The following HYAL4 variants were observed in gnomAD, a reference collection of about 807,000 sequenced individuals.
HYAL4 encodes the protein hyaluronidase 4, also known as hyaluronidase-4.
Under a neutral mutation model 35.2 loss-of-function variants are expected in HYAL4, and 37 were observed. The ratio of observed to expected loss-of-function variants is 1.05; its 90% CI spans 0.81 to 1.38. HYAL4 has a LOEUF of 1.38. HYAL4 is among the 40% of genes most tolerant of loss of function. The pLI is 0.00. For synonymous variants in HYAL4, 198 were observed against 203.2 expected (o/e 0.97, Z 0.22); for missense variants, 572 against 572.4 (o/e 1.00, Z 0.01).
chr7:123,868,766 C>G lies in HYAL4; in HGVS notation c.493C>G (p.Gln165Glu). ...RNWNSKDVYRQKSRKLISDMG... is the reference protein window; with the variant it reads ...RNWNSKDVYREKSRKLISDMG... Reference sequence around the variant, plus strand: ...CTGGAACTCAAAAGATGTTTACAGACAGAAGTCAAGAAAGCTTATTTCCGA... The same window carrying G: ...CTGGAACTCAAAAGATGTTTACAGAGAGAAGTCAAGAAAGCTTATTTCCGA... Residue 165 changes from glutamine to glutamate, a missense_variant, in exon 3 of 5, where the codon CAG becomes GAG. Coordinates refer to ENST00000223026, the MANE Select transcript of HYAL4 (RefSeq NM_012269.3). The G allele has an allele frequency of 6.2e-7, 1 of 1,614,050 alleles. No individual in the cohort carries two copies. The highest frequency in any genetic ancestry group is 8.5e-7 in the Non-Finnish European group (1 of 1,180,004).
At chr7:123,791,346 A>T in the HYAL4 span, among the ~76,000 whole-genome samples, 1 of 152,232 alleles carries the variant, frequency 6.6e-6, no homozygotes, top group Non-Finnish European at 1.5e-5. Flanking sequence ...GAACTTCAGT[A>T]ATTCATCATG....
chr7:123,806,819 G>A, the HYAL4 span, among the ~76,000 whole-genome samples: 1 of 152,068 alleles, frequency 6.6e-6, no homozygotes, highest in African/African-American at 2.4e-5. Context: ...GGCCAGGCTA[G>A]TAGCTGTCTC....
At chr7:123,827,172 C>T (rs112942518), upstream of HYAL4, among the ~76,000 whole-genome samples, 2,296 of 151,938 alleles carry the variant, frequency 0.015, 48 homozygotes, top group African/African-American at 0.053. Context: ...GAGAAGAGGT[C>T]TAAGATTTAA....
chr7:123,874,355 C>T (rs1192756419), intron 3 of HYAL4, among the ~76,000 whole-genome samples: 1 of 152,066 alleles, frequency 6.6e-6, no homozygotes, highest in Non-Finnish European at 1.5e-5. Flanking sequence ...AGCTCAGTAC[C>T]AGCCCTGTTA....
intron 2 of HYAL4, among the ~76,000 whole-genome samples, chr7:123,866,852 G>T (rs1320093010): frequency 6.9e-6 from 1 of 145,112 alleles, no homozygotes; most frequent in African/African-American, 2.6e-5. Context: ...GGGCAGTGGT[G>T]TGATCTTGGT....
intron 1 of HYAL4, among the ~76,000 whole-genome samples, chr7:123,836,952 C>T (rs574402836): frequency 6.6e-5 from 10 of 151,982 alleles, no homozygotes; most frequent in Admixed American, 1.3e-4. Context: ...CGCTTGAATC[C>T]TGGAGGCCAA....
At chr7:123,815,565 C>T in the HYAL4 span, among the ~76,000 whole-genome samples, 45 of 152,248 alleles carry the variant, frequency 3.0e-4, 1 homozygote, top group African/African-American at 1.1e-3. Flanking sequence ...GGCATTAAAA[C>T]TGGTTTATAT....
chr7:123,784,140 C>G, the HYAL4 span, among the ~76,000 whole-genome samples: 1 of 152,024 alleles, frequency 6.6e-6, no homozygotes, highest in Non-Finnish European at 1.5e-5. Context: ...AATAATTTTC[C>G]TGGTATTTTA....
Position 123,868,366 on chromosome 7 carries a change from T to A in HYAL4, c.93T>A (p.Ser31=). 1.9e-6 allele frequency: 3 copies of A among 1,610,484 alleles called. No homozygotes were observed. The highest frequency in any genetic ancestry group is 1.7e-6 in the Non-Finnish European group (2 of 1,178,700). Residue 31 remains serine, a synonymous_variant, in exon 3 of 5, where the codon TCT becomes TCA. Transcript: ENST00000223026. ...SWLLIFFILK[S]ISCLKPARLP... ...TCCTTATATTTTTTATTCTAAAGTC[T>A]ATCTCTTGTCTAAAACCTGCTCGAC...
intron 4 of HYAL4, chr7:123,876,024 A>T (rs1563006762): frequency 2.2e-6 from 1 of 456,680 alleles, no homozygotes; most frequent in Non-Finnish European, 4.4e-6. Context: ...CTGACTTTCC[A>T]GGTGTGATAT....
the HYAL4 span, among the ~76,000 whole-genome samples, chr7:123,779,080 G>A: frequency 6.6e-6 from 1 of 152,068 alleles, no homozygotes; most frequent in African/African-American, 2.4e-5. Context: ...ATGTTAATAT[G>A]TAAGAGGCTT....
intron 2 of HYAL4, among the ~76,000 whole-genome samples, chr7:123,864,909 T>C (rs1806651449): frequency 6.6e-6 from 1 of 151,094 alleles, no homozygotes; most frequent in Non-Finnish European, 1.5e-5. Flanking sequence ...GGGCACAGGA[T>C]TTTACTTATT....
chr7:123,822,941 G>A, the HYAL4 span, among the ~76,000 whole-genome samples: 2 of 152,058 alleles, frequency 1.3e-5, no homozygotes. Context: ...CTTCAGCCTG[G>A]GTGACAGACT....
chr7:123,804,223 GTGTGGTTATGCACATA>G, the HYAL4 span, among the ~76,000 whole-genome samples: 14 of 152,168 alleles, frequency 9.2e-5, no homozygotes, highest in Non-Finnish European at 1.9e-4. Context: ...TATATGGTGA[GTGTGGTTATGCACATA>G]TGTTTCTTGA....
chr7:123,847,419 C>T (rs1806197699), intron 1 of HYAL4, among the ~76,000 whole-genome samples: 1 of 152,052 alleles, frequency 6.6e-6, no homozygotes, highest in Non-Finnish European at 1.5e-5. Context: ...AGGATGATAC[C>T]TAATACTCTA....
At chr7:123,795,803 C>T in the HYAL4 span, among the ~76,000 whole-genome samples, 1 of 152,124 alleles carries the variant, frequency 6.6e-6, no homozygotes. Flanking sequence ...GTAAGTATGA[C>T]TGGGTTGATA....
chr7:123,833,833 GA>G (rs1314207659), intron 1 of HYAL4, among the ~76,000 whole-genome samples: 4 of 152,028 alleles, frequency 2.6e-5, no homozygotes, highest in Non-Finnish European at 5.9e-5. Flanking sequence ...ATCATTTGTT[GA>G]AAAGGGTGTC....
At chr7:123,820,729 C>T in the HYAL4 span, among the ~76,000 whole-genome samples, 16 of 152,092 alleles carry the variant, frequency 1.1e-4, no homozygotes, top group Admixed American at 2.0e-4. Context: ...GTTTATCTAG[C>T]GTAACTAAAC....
Position 123,877,101 on chromosome 7 carries a change from A to T in HYAL4, c.1392A>T (p.Ser464=). 6.2e-7 allele frequency: 1 copy of T among 1,614,230 alleles called. No individual in the cohort carries two copies. Among genetic ancestry groups the T allele is most frequent in the East Asian group, 2.2e-5 (1 of 44,890 alleles). Residue 464 remains serine, a synonymous_variant, in exon 5 of 5, where the codon TCA becomes TCT. Transcript: ENST00000223026. ...GCSGVSPSPG[S]LMTLCLLLLA... is the part of the protein sequence containing the mutation. ...CTGGGGTTTCCCCTTCTCCTGGTTCACTAATGACACTTTGTCTACTGCTTT... is the reference window on the plus strand; with the variant it reads ...CTGGGGTTTCCCCTTCTCCTGGTTCTCTAATGACACTTTGTCTACTGCTTT...
Sources: allele counts gnomAD v4.1 joint callset (sites outside exome capture counted in the v4.1 genomes callset), GRCh38; gene constraint gnomAD v4.1.1; transcripts MANE v1.5; gene names NCBI Gene and HGNC (gene_info 2026-07-23, HGNC 2026-07-21).